ATP2C1: variants seen among roughly 807,000 people sequenced by gnomAD.
ATP2C1 encodes the protein calcium-transporting ATPase type 2C member 1.
In ATP2C1, 31 loss-of-function variants were observed where a neutral mutation model predicts 120.5. The observed-to-expected ratio is 0.26, with a 90% CI of 0.19 to 0.35. ATP2C1 has a LOEUF of 0.35. Among genes scored for constraint, ATP2C1 ranks in the 10% least tolerant of loss-of-function variants. ATP2C1 has a pLI of 1.00. For missense variants in ATP2C1, 731 were observed against 1,107.5 expected, an observed-to-expected ratio of 0.66 and a Z score of 4.83; for synonymous variants, 351 against 358.7, an observed-to-expected ratio of 0.98 and a Z score of 0.24.
At chr3:130,903,679 CCCTTTCCCATTTCCCCTTTCCCCTTT>C (rs2057976725) in intron 2 of ATP2C1, among the ~76,000 whole-genome samples, 1 of 143,152 alleles carries the variant, frequency 7.0e-6, no homozygotes, top group Non-Finnish European at 1.5e-5. Flanking sequence ...TTCCTCTTTC[CCCTTTCCCATTTCCCCTTTCCCCTTT>C]CCTTTCCTTT....
chr3:130,934,947 C>T (rs1184368825), intron 5 of ATP2C1, among the ~76,000 whole-genome samples: 1 of 152,124 alleles, frequency 6.6e-6, no homozygotes, highest in Non-Finnish European at 1.5e-5. Context: ...TGTTTTCTGC[C>T]TCAGCATCCT....
upstream of ATP2C1, chr3:130,893,855 A>T: frequency 1.1e-6 from 1 of 904,324 alleles, no homozygotes; most frequent in Non-Finnish European, 1.3e-6. Flanking sequence ...ACCCCGAGCG[A>T]CCTCCTACCG....
At chr3:130,898,024 A>G (rs2069785424) in intron 2 of ATP2C1, among the ~76,000 whole-genome samples, 1 of 152,224 alleles carries the variant, frequency 6.6e-6, no homozygotes, top group South Asian at 2.1e-4. Context: ...AGCTTACTAG[A>G]AAAGATATGT....
At chr3:130,945,184 T>C (rs1193460063) in intron 8 of ATP2C1, among the ~76,000 whole-genome samples, 1 of 151,996 alleles carries the variant, frequency 6.6e-6, no homozygotes, top group Non-Finnish European at 1.5e-5. Flanking sequence ...TTTGGGCATG[T>C]TATTTGTTTT....
At chr3:130,963,386 A>G (rs2060911935) in intron 12 of ATP2C1, 1 of 156,182 alleles carries the variant, frequency 6.4e-6, no homozygotes, top group Admixed American at 6.2e-5. Flanking sequence ...TAGATATTTC[A>G]TATAAATGAA....
intron 26 of ATP2C1, among the ~76,000 whole-genome samples, chr3:131,008,881 A>G (rs2063212740): frequency 1.3e-5 from 2 of 152,234 alleles, no homozygotes; most frequent in African/African-American, 2.4e-5. Context: ...AGAGTGTCTC[A>G]GACTGTTGTT....
upstream of ATP2C1, chr3:130,893,905 GTC>G (rs2069325161): frequency 2.0e-6 from 2 of 984,496 alleles, no homozygotes. Flanking sequence ...CCGGGCCGAA[GTC>G]TCGGCCTTCA....
chr3:130,972,134 T>C (rs1190637131), intron 17 of ATP2C1, among the ~76,000 whole-genome samples: 1 of 152,152 alleles, frequency 6.6e-6, no homozygotes, highest in Non-Finnish European at 1.5e-5. Context: ...ACAACCTAGA[T>C]CCCTTGCATG....
At chr3:130,971,353 C>G (rs2061310311) in intron 17 of ATP2C1, among the ~76,000 whole-genome samples, 1 of 152,186 alleles carries the variant, frequency 6.6e-6, no homozygotes, top group African/African-American at 2.4e-5. Context: ...TTCACACTTG[C>G]TGACCTGAAG....
Position 130,894,302 on chromosome 3 carries a change from C to T in ATP2C1, c.-216C>T. On this transcript the variant is annotated 5_prime_UTR_variant, in exon 1 of 28. Coordinates refer to ENST00000510168, the MANE Select transcript of ATP2C1 (RefSeq NM_001378687.1). The surrounding 1 kb of genome is among the most constrained non-coding windows in gnomAD (Gnocchi z 4.5). ...GCCCCCGCGAGCCCCGCGGCTGAGA[C>T]CCCGCAGCCTGGAGGAGGGCTGTCC... The T allele has an allele frequency of 2.0e-6, 2 of 987,156 alleles. No homozygotes were observed. Among genetic ancestry groups the T allele is most frequent in the Non-Finnish European group, 2.4e-6 (2 of 830,942 alleles). 61.1% of individuals were successfully genotyped at this position (987,156 alleles called of 1,614,324 possible).
chr3:130,906,137 G>A (rs1465047426), intron 2 of ATP2C1, among the ~76,000 whole-genome samples: 1 of 151,974 alleles, frequency 6.6e-6, no homozygotes, highest in East Asian at 1.9e-4. Context: ...GTATAATTCA[G>A]TGGTTTTTAG....
At chr3:131,006,626 AGTGT>A (rs1214354300), downstream of ATP2C1, among the ~76,000 whole-genome samples, 1 of 96,188 alleles carries the variant, frequency 1.0e-5, no homozygotes. Flanking sequence ...CCAGATTTCT[AGTGT>A]GTGTTTGTGT....
chr3:130,903,810 T>C (rs992683331), intron 2 of ATP2C1, among the ~76,000 whole-genome samples: 1 of 151,908 alleles, frequency 6.6e-6, no homozygotes, highest in African/African-American at 2.4e-5. Flanking sequence ...ATGCTTAATA[T>C]AGGATGGCAA....
chr3:131,013,488 G>A (rs1210475900), intron 26 of ATP2C1, among the ~76,000 whole-genome samples: 1 of 152,178 alleles, frequency 6.6e-6, no homozygotes, highest in East Asian at 1.9e-4. Flanking sequence ...AGCTCAGGAT[G>A]CTGTTTCTTA....
chr3:130,945,000 TA>T (rs1179394901), intron 8 of ATP2C1, among the ~76,000 whole-genome samples: 2 of 152,232 alleles, frequency 1.3e-5, no homozygotes, highest in South Asian at 2.1e-4. Flanking sequence ...TAAAAGTTCG[TA>T]TTTTTTTTAC....
chr3:130,856,338 T>G (rs1243873406), intron 1 of ATP2C1: 1 of 152,210 alleles, frequency 6.6e-6, no homozygotes, highest in African/African-American at 2.4e-5. Flanking sequence ...TTACTCTGAA[T>G]GATACTATAA....
chr3:130,975,756 C>G (rs1282400002), intron 18 of ATP2C1, among the ~76,000 whole-genome samples: 1 of 152,170 alleles, frequency 6.6e-6, no homozygotes, highest in African/African-American at 2.4e-5. Flanking sequence ...ACAAGTTTAT[C>G]TTATGAGAAG....
Position 131,001,550 on chromosome 3 carries a change from G to T in ATP2C1, c.*200G>T. On this transcript the variant is annotated 3_prime_UTR_variant, in exon 28 of 28. Transcript: ENST00000510168. ...ATGCAACTTTGATATCATATTCCTT[G>T]ATTTAAATTGGCTTTTGTGATTGAG... is the stretch of plus-strand genomic sequence containing the variant. 1.6e-6 allele frequency: 2 copies of T among 1,273,162 alleles called. No individual in the cohort carries two copies. The highest frequency in any genetic ancestry group is 2.0e-6 in the Non-Finnish European group (2 of 1,003,678). 78.9% of individuals were successfully genotyped at this position (1,273,162 alleles called of 1,614,324 possible). A position where few individuals can be genotyped will look rare whatever the true frequency, so the allele number is the denominator to read the frequency against.
chr3:130,996,100 C>A lies in ATP2C1; in HGVS notation c.2115C>A (p.Phe705Leu). ...ATAACATTAAAAATTTCGTTAGATT[C>A]CAGCTGAGCACGTAAGTTTGCAAGA... The part of the protein sequence containing the change: ...IYNNIKNFVR[F>L]QLSTSIAALT... Residue 705 changes from phenylalanine (F) to leucine (L), a missense_variant, in exon 23 of 28, where the codon TTC becomes TTA. Transcript: ENST00000510168. 6.2e-7 allele frequency: 1 copy of A among 1,610,492 alleles called. No homozygotes were observed. Among genetic ancestry groups the A allele is most frequent in the Non-Finnish European group, 8.5e-7 (1 of 1,176,850 alleles).
Sources: gnomAD v4.1 joint callset for allele counts (sites outside exome capture counted in the v4.1 genomes callset) on GRCh38, gnomAD v4.1.1 for gene constraint, Gnocchi (gnomAD v3.1) non-coding constraint, MANE v1.5 for transcripts, NCBI Gene and HGNC (gene_info 2026-07-23, HGNC 2026-07-21) for gene names.